SLC25A43: variants seen among roughly 807,000 people sequenced by gnomAD.
The protein encoded by SLC25A43 is solute carrier family 25, member 43.
A neutral mutation model predicts 22.8 loss-of-function variants in SLC25A43; 10 were observed. The ratio of observed to expected loss-of-function variants is 0.44; its 90% CI spans 0.27 to 0.74. SLC25A43 has a LOEUF of 0.74. SLC25A43 is among the 30% of genes least tolerant of loss of function. The probability of loss-of-function intolerance (pLI) is 0.17; values close to 1 mark genes in which losing one functional copy is unlikely to be tolerated. For synonymous variants in SLC25A43, 106 were observed against 121.6 expected (o/e 0.87, Z 0.84); for missense variants, 233 against 279.1 (o/e 0.83, Z 1.18).
intron 3 of SLC25A43, chrX:119,434,814 C>T (rs1207304222): frequency 1.6e-5 from 1 of 64,410 alleles, no homozygotes; most frequent in African/African-American, 6.8e-5. Flanking sequence ...AGTGACACCA[C>T]ATCTCTGTTA....
At chrX:119,443,952 G>A (rs144797190) in intron 3 of SLC25A43, among the ~76,000 whole-genome samples, 4,045 of 107,241 alleles carry the variant, frequency 0.038, 75 homozygotes, top group Middle Eastern at 0.088. Flanking sequence ...ATGAGGTTTC[G>A]TCATGTTGCC....
intron 3 of SLC25A43, among the ~76,000 whole-genome samples, chrX:119,428,948 T>C (rs2052531478): frequency 9.0e-6 from 1 of 111,660 alleles, no homozygotes; most frequent in African/African-American, 3.2e-5. Flanking sequence ...CCCAACCCCT[T>C]GTCCGTGGAA....
At position 119,399,471 on chromosome X, in the gene SLC25A43, G is replaced by A; in HGVS notation, c.68G>A (p.Gly23Glu). The change falls in exon 1 of 5, where the codon GGG becomes GAG. Residue 23 changes from glycine to glutamate, a missense_variant. Transcript: ENST00000217909. ...GQRLLCAGLA[G>E]TLSLSLTAPL... ...AGGCTGCTGTGCGCTGGGCTGGCGG[G>A]GACGCTCAGCCTCAGCCTCACCGCG... The A allele has an allele frequency of 9.4e-7, 1 of 1,063,657 alleles. No individual in the cohort carries two copies. Among genetic ancestry groups the A allele is most frequent in the Non-Finnish European group, 1.2e-6 (1 of 825,306 alleles). The allele number at this position is 1,063,657 out of a possible 1,213,427, so 87.7% of individuals were successfully genotyped here.
chrX:119,413,192 A>G (rs2052366259), intron 3 of SLC25A43, among the ~76,000 whole-genome samples: 1 of 111,456 alleles, frequency 9.0e-6, no homozygotes, highest in African/African-American at 3.3e-5. Context: ...TTTGACCACA[A>G]TGAAAAAAAA....
intron 3 of SLC25A43, among the ~76,000 whole-genome samples, chrX:119,419,065 T>C (rs1418530508): frequency 8.9e-6 from 1 of 112,146 alleles, no homozygotes; most frequent in Non-Finnish European, 1.9e-5. Flanking sequence ...AGAAAATGGC[T>C]CTCTGCACAG....
chrX:119,453,101 A>T lies in SLC25A43; in HGVS notation c.*36A>T, dbSNP rs2052718282. 3 of 1,108,496 alleles carry T rather than the reference A, an allele frequency of 2.7e-6. No individual in the cohort carries two copies. Among genetic ancestry groups the T allele is most frequent in the Admixed American group, 2.2e-5 (1 of 45,019 alleles). The allele number at this position is 1,108,496 out of a possible 1,213,427, so 91.4% of individuals were successfully genotyped here. A position where few individuals can be genotyped will look rare whatever the true frequency, so the allele number is the denominator to read the frequency against. On this transcript the variant is annotated 3_prime_UTR_variant, in exon 5 of 5. Transcript: ENST00000217909. ...AACTAGAAGTGCACTGACTGACAGC[A>T]TGTTGCAATCACAGATAAATGTAGC... is the stretch of plus-strand genomic sequence containing the variant.
At position 119,426,314 on chromosome X, in the gene SLC25A43, C is replaced by T. The variant is rs368856058; in HGVS notation, c.690+15952C>T. 9 of 634,242 alleles carry T rather than the reference C, an allele frequency of 1.4e-5. No homozygotes were observed. In the East Asian group the frequency reaches 1.1e-3, roughly 80 times the overall value. The allele number at this position is 634,242 out of a possible 1,213,427, so 52.3% of individuals were successfully genotyped here. A position where few individuals can be genotyped will look rare whatever the true frequency, so the allele number is the denominator to read the frequency against. On this transcript the variant is annotated intron_variant, in intron 3 of 4. Coordinates refer to ENST00000217909, the MANE Select transcript of SLC25A43 (RefSeq NM_145305.3). The stretch of plus-strand genomic sequence containing the variant: ...CTCCCGCGTGAACTTGTGTACACCA[C>T]ATAACCCATCTGAGCCTCATCTTCC...
chrX:119,416,433 C>T (rs996918481), intron 3 of SLC25A43, among the ~76,000 whole-genome samples: 1 of 111,882 alleles, frequency 8.9e-6, no homozygotes, highest in African/African-American at 3.2e-5. Context: ...GTTAGCCAGG[C>T]TGGTCTCGAA....
intron 3 of SLC25A43, among the ~76,000 whole-genome samples, chrX:119,449,992 G>A (rs1324774064): frequency 9.0e-6 from 1 of 111,254 alleles, no homozygotes; most frequent in Non-Finnish European, 1.9e-5. Context: ...ACAGAAGAAA[G>A]AATAAATCTG....
At chrX:119,403,602 C>A (rs1226004025) in intron 1 of SLC25A43, among the ~76,000 whole-genome samples, 2 of 112,078 alleles carry the variant, frequency 1.8e-5, no homozygotes, top group East Asian at 2.8e-4. Context: ...TCAAAAATTT[C>A]TACTTCCTCT....
chrX:119,404,733 C>T (rs757628811), intron 1 of SLC25A43, among the ~76,000 whole-genome samples: 1 of 111,242 alleles, frequency 9.0e-6, no homozygotes, highest in East Asian at 2.8e-4. Flanking sequence ...CAGAGGTGTC[C>T]AATCTTTTGG....
chrX:119,431,251 C>T (rs1231456988), intron 3 of SLC25A43, among the ~76,000 whole-genome samples: 1 of 112,355 alleles, frequency 8.9e-6, no homozygotes, highest in African/African-American at 3.2e-5. Flanking sequence ...GGCGCAGTGG[C>T]TCATGCCTGT....
intron 3 of SLC25A43, among the ~76,000 whole-genome samples, chrX:119,427,598 A>G (rs2052518782): frequency 8.9e-6 from 1 of 112,135 alleles, no homozygotes; most frequent in Admixed American, 9.4e-5. Flanking sequence ...ATTTACTCCA[A>G]TATGACTGGC....
rs191110440 is a variant in SLC25A43, at chrX:119,408,782, T to C, written c.518-1408T>C. 3.4e-4 allele frequency among the ~76,000 whole-genome samples: 38 copies of C among 111,785 alleles called. No homozygotes were observed. The East Asian group carries it at 5.0e-3, about 15-fold the overall frequency. The stretch of plus-strand genomic sequence containing the variant: ...TGAAAGTGCCACCTACTATATTACT[T>C]ACTCACCATCTCAGTTCTTAGAAAG... On this transcript the variant is annotated intron_variant, in intron 2 of 4. Coordinates refer to ENST00000217909, the MANE Select transcript of SLC25A43 (RefSeq NM_145305.3).
At position 119,453,941 on chromosome X, in the gene SLC25A43, G is replaced by A. The variant is rs1235883458; in HGVS notation, c.*876G>A. On this transcript the variant is annotated 3_prime_UTR_variant, in exon 5 of 5. Transcript: ENST00000217909. ...CGAACATTTAAAAGCTATCACCATT[G>A]TAGTAGAATCATCCTTCTTTTTTGA... 6 of 112,521 alleles carry A rather than the reference G, an allele frequency of 5.3e-5. No homozygotes were observed. Among genetic ancestry groups the A allele is most frequent in the African/African-American group, 1.6e-4 (5 of 30,922 alleles). The allele number at this position is 112,521 out of a possible 1,213,427, so 9.3% of individuals were successfully genotyped here. A position where few individuals can be genotyped will look rare whatever the true frequency, so the allele number is the denominator to read the frequency against.
intron 3 of SLC25A43, among the ~76,000 whole-genome samples, chrX:119,417,577 C>T (rs2052415777): frequency 9.1e-6 from 1 of 110,100 alleles, no homozygotes; most frequent in Admixed American, 9.7e-5. Context: ...AGAATCCAGC[C>T]AACACCGCAT....
At chrX:119,409,131 C>T (rs1417096355) in intron 2 of SLC25A43, among the ~76,000 whole-genome samples, 1 of 109,811 alleles carries the variant, frequency 9.1e-6, no homozygotes, top group Non-Finnish European at 1.9e-5. Context: ...ATTCATCCCT[C>T]CAGCCATTCA....
At chrX:119,402,592 T>C (rs2052248600) in intron 1 of SLC25A43, among the ~76,000 whole-genome samples, 1 of 111,983 alleles carries the variant, frequency 8.9e-6, no homozygotes, top group African/African-American at 3.2e-5. Context: ...ACCTGTTAGG[T>C]TGAAGTATTG....
intron 3 of SLC25A43, among the ~76,000 whole-genome samples, chrX:119,425,066 A>G (rs2052491460): frequency 1.0e-4 from 1 of 9,871 alleles, no homozygotes; most frequent in Non-Finnish European, 1.8e-4. Flanking sequence ...AGAGAGAGGA[A>G]AAAAAAAAAA....
Sources: allele counts gnomAD v4.1 joint callset (sites outside exome capture counted in the v4.1 genomes callset), GRCh38; gene constraint gnomAD v4.1.1; transcripts MANE v1.5; gene names NCBI Gene and HGNC (gene_info 2026-07-23, HGNC 2026-07-21).